The following C20orf203 variants were observed in gnomAD, a reference collection of about 807,000 sequenced individuals.
C20orf203 encodes the protein chromosome 20 open reading frame 203.
In C20orf203, 16 loss-of-function variants were observed where a neutral mutation model predicts 15.9. The ratio of observed to expected loss-of-function variants is 1.01; its 90% CI spans 0.68 to 1.53. The LOEUF is 1.53. Among genes scored for constraint, C20orf203 ranks in the 40% most tolerant of loss-of-function variants. The pLI is 0.00. For synonymous variants in C20orf203, 98 were observed against 97.2 expected (o/e 1.01, Z -0.05); for missense variants, 263 against 247.5 (o/e 1.06, Z -0.42).
chr20:32,643,300 G>A (rs1197670812), intron 4 of C20orf203, among the ~76,000 whole-genome samples: 1 of 152,200 alleles, frequency 6.6e-6, no homozygotes, highest in Non-Finnish European at 1.5e-5. Context: ...GGAAGACAGA[G>A]ATGACAGTCA....
chr20:32,653,588 G>A (rs1032559449), intron 1 of C20orf203, among the ~76,000 whole-genome samples: 10 of 152,156 alleles, frequency 6.6e-5, no homozygotes, highest in African/African-American at 1.7e-4. Context: ...TAAGAAGAGT[G>A]TTCCTACAGC....
chr20:32,645,930 G>A (rs564434272), intron 4 of C20orf203, among the ~76,000 whole-genome samples: 1 of 152,248 alleles, frequency 6.6e-6, no homozygotes, highest in African/African-American at 2.4e-5. Context: ...CTGGAGCCTG[G>A]GCTCCCCAGC....
chr20:32,667,557 G>T (rs779558337), intron 1 of C20orf203, among the ~76,000 whole-genome samples: 3 of 152,186 alleles, frequency 2.0e-5, no homozygotes, highest in Non-Finnish European at 4.4e-5. Context: ...AGAGATCTGC[G>T]CAGTTGCTAC....
At chr20:32,662,108 G>A (rs1011069622) in intron 1 of C20orf203, among the ~76,000 whole-genome samples, 2 of 152,238 alleles carry the variant, frequency 1.3e-5, no homozygotes, top group African/African-American at 2.4e-5. Context: ...TGGTACAGGC[G>A]ACGCAGGATG....
chr20:32,650,479 T>TA lies in C20orf203; in HGVS notation c.537dup (p.Ser180Ter). ...GAATTGGAGAGAAACTGCTGCTTGC[T>TA]AATTAAAGGTGCAGGCAACTTGCCT... On this transcript the variant is annotated frameshift_variant, in exon 4 of 6. Coordinates refer to ENST00000608990, the MANE Select transcript of C20orf203 (RefSeq NM_182584.4). LOFTEE classifies it high-confidence loss of function. 6.4e-7 allele frequency: 1 copy of TA among 1,550,498 alleles called. No homozygotes were observed. Among genetic ancestry groups the TA allele is most frequent in the Non-Finnish European group, 8.7e-7 (1 of 1,146,934 alleles).
chr20:32,662,786 G>T (rs566772972), intron 1 of C20orf203, among the ~76,000 whole-genome samples: 38 of 151,160 alleles, frequency 2.5e-4, no homozygotes, highest in African/African-American at 8.8e-4. Flanking sequence ...GGGAAGAGGA[G>T]GCAGGAGAAT....
At chr20:32,635,726 G>A (rs116227714) in intron 5 of C20orf203, among the ~76,000 whole-genome samples, 5,900 of 152,188 alleles carry the variant, frequency 0.039, 383 homozygotes, top group African/African-American at 0.13. Context: ...TGGGAGGATC[G>A]CTTGCCTAGG....
chr20:32,650,528 C>T lies in C20orf203; in HGVS notation c.489G>A (p.Gln163=), dbSNP rs1369672542. The change falls in exon 4 of 6, where the codon CAG becomes CAA. Residue 163 remains glutamine (Q), a synonymous_variant. Transcript: ENST00000608990. The part of the protein sequence containing the change: ...SSLAWTSTCF[Q]DFCLPSLPGK... Reference sequence around the variant, plus strand: ...CTGGCAAGGATGGGAGGCAGAAGTCCTGGAAACATGTTGAGGTCCAGGCCA... The same window carrying T: ...CTGGCAAGGATGGGAGGCAGAAGTCTTGGAAACATGTTGAGGTCCAGGCCA... 1.3e-6 allele frequency: 2 copies of T among 1,550,494 alleles called. No individual in the cohort carries two copies. The highest frequency in any genetic ancestry group is 2.4e-5 in the South Asian group (2 of 84,062).
intron 5 of C20orf203, 39 bp from the exon 6 acceptor site, chr20:32,634,309 G>A (rs1982080424): frequency 2.5e-6 from 1 of 398,136 alleles, no homozygotes; most frequent in South Asian, 1.3e-4. Flanking sequence ...CAGGCATTGG[G>A]AGGGGAGGCG....
intron 5 of C20orf203, among the ~76,000 whole-genome samples, chr20:32,635,419 C>T (rs937769052): frequency 2.6e-5 from 4 of 151,482 alleles, no homozygotes; most frequent in Non-Finnish European, 5.9e-5. Flanking sequence ...TTGCTTGAAC[C>T]CGGGAGATGG....
At chr20:32,637,150 C>A (rs999482006) in intron 5 of C20orf203, among the ~76,000 whole-genome samples, 1 of 152,270 alleles carries the variant, frequency 6.6e-6, no homozygotes, top group African/African-American at 2.4e-5. Flanking sequence ...TGGCTCACGC[C>A]TGTAATCCCA....
intron 4 of C20orf203, among the ~76,000 whole-genome samples, chr20:32,646,224 GTTGAGACAGAGTCTCGCTCGATTTT>G (rs1170883090): frequency 1.7e-5 from 1 of 59,546 alleles, no homozygotes; most frequent in Non-Finnish European, 3.2e-5. Context: ...CGATCTTTTT[GTTGAGACAGAGTCTCGCTCGATTTT>G]TTGAGACAGA....
At chr20:32,662,208 C>T (rs1429920372) in intron 1 of C20orf203, among the ~76,000 whole-genome samples, 1 of 152,200 alleles carries the variant, frequency 6.6e-6, no homozygotes, top group African/African-American at 2.4e-5. Flanking sequence ...GGGGTTTAGT[C>T]TTTGTTTTGG....
intron 4 of C20orf203, among the ~76,000 whole-genome samples, chr20:32,644,463 CCAAAA>C (rs771848992): frequency 7.2e-4 from 109 of 152,094 alleles, no homozygotes; most frequent in African/African-American, 2.5e-3. Context: ...CCAAAACAAA[CCAAAA>C]CAAAACAAAA....
At chr20:32,658,780 CAGG>C (rs1324097108) in intron 1 of C20orf203, among the ~76,000 whole-genome samples, 2 of 152,012 alleles carry the variant, frequency 1.3e-5, no homozygotes, top group African/African-American at 2.4e-5. Flanking sequence ...GGAGATGGAG[CAGG>C]AGAAGACCAA....
intron 4 of C20orf203, among the ~76,000 whole-genome samples, chr20:32,643,137 A>G (rs1231553070): frequency 6.6e-6 from 1 of 152,158 alleles, no homozygotes; most frequent in African/African-American, 2.4e-5. Context: ...TGGTGGAGGC[A>G]GCTCCAAGAA....
At chr20:32,669,761 T>C (rs1321316513) in intron 1 of C20orf203, among the ~76,000 whole-genome samples, 1 of 152,062 alleles carries the variant, frequency 6.6e-6, no homozygotes, top group Non-Finnish European at 1.5e-5. Flanking sequence ...ATTTCTTGAA[T>C]ATGGCACCAA....
chr20:32,661,279 C>T (rs1159792940), intron 1 of C20orf203, among the ~76,000 whole-genome samples: 3 of 152,310 alleles, frequency 2.0e-5, no homozygotes, highest in East Asian at 3.9e-4. Flanking sequence ...GTGAACCAGG[C>T]TCATCTCTGT....
intron 5 of C20orf203, among the ~76,000 whole-genome samples, chr20:32,638,478 C>T (rs1053160383): frequency 3.3e-5 from 5 of 152,138 alleles, no homozygotes; most frequent in Non-Finnish European, 7.3e-5. Flanking sequence ...GTCACTTGCC[C>T]AGGGTCACAG....
Sources: allele counts gnomAD v4.1 joint callset (sites outside exome capture counted in the v4.1 genomes callset), GRCh38; gene constraint gnomAD v4.1.1; transcripts MANE v1.5; gene names NCBI Gene and HGNC (gene_info 2026-07-23, HGNC 2026-07-21).